The following FBRS variants were observed in gnomAD, a reference collection of about 807,000 sequenced individuals.
FBRS encodes the protein fibrosin.
A neutral mutation model predicts 86.1 loss-of-function variants in FBRS; 15 were observed. That is an observed-to-expected ratio of 0.17 (90% CI 0.12 to 0.27). FBRS has a LOEUF of 0.27. Among genes scored for constraint, FBRS ranks in the 10% least tolerant of loss-of-function variants. The pLI is 1.00. For synonymous variants in FBRS, 666 were observed against 575.8 expected, an observed-to-expected ratio of 1.16 and a Z score of -2.24; for missense variants, 1,367 against 1,301.6, an observed-to-expected ratio of 1.05 and a Z score of -0.77.
Position 30,669,284 on chromosome 16 carries a change from G to C in FBRS, c.2582G>C (p.Arg861Thr), listed in dbSNP as rs1454100073. 6.3e-7 allele frequency: 1 copy of C among 1,574,852 alleles called. No homozygotes were observed. Among genetic ancestry groups the C allele is most frequent in the East Asian group, 2.4e-5 (1 of 42,214 alleles). ...GPQGLHLLFE[R>T]PRPPPFLGPS... ...CAGGGCCTTCACCTGCTGTTTGAGA[G>C]GCCCCGGCCGCCCCCGTTTCTGGGC... Residue 861 changes from arginine (R) to threonine (T), a missense_variant, in exon 18 of 18, where the codon AGG becomes ACG. This residue lies in a region of FBRS where 659 missense variants were observed against 678.8 expected (regional missense o/e 0.97). Coordinates refer to ENST00000356166, the MANE Select transcript of FBRS (RefSeq NM_001105079.3). The surrounding 1 kb of genome is among the most constrained non-coding windows in gnomAD (Gnocchi z 5.9).
Position 30,664,712 on chromosome 16 carries a change from C to A in FBRS, c.1358-3C>A. The A allele has an allele frequency of 6.6e-7, 1 of 1,516,538 alleles. No homozygotes were observed. Among genetic ancestry groups the A allele is most frequent in the Non-Finnish European group, 8.9e-7 (1 of 1,127,306 alleles). The allele number at this position is 1,516,538 out of a possible 1,614,324, so 93.9% of individuals were successfully genotyped here. A position where few individuals can be genotyped will look rare whatever the true frequency, so the allele number is the denominator to read the frequency against. ...TAAAGCCTTCTCCCGTCCCCTCCCA[C>A]AGAGCAGGACCTGATCGGCCAGGAC... On this transcript the variant is annotated splice_polypyrimidine_tract_variant and splice_region_variant and intron_variant, in intron 7 of 17. Transcript: ENST00000356166.
rs749366962 is a variant in FBRS, at chr16:30,669,531, C to T, written c.2829C>T (p.His943=). The change falls in exon 18 of 18, where the codon CAC becomes CAT. Residue 943 remains histidine, a synonymous_variant. Transcript: ENST00000356166. This position sits in a 1 kb window ranked among gnomAD's most constrained non-coding sequence, Gnocchi z 5.9. ...CTGCTGCGGCCCCGGGAACCCCTCACCTTCTCAGCAAGACCCCACCGGGAG... is the reference window on the plus strand; with the variant it reads ...CTGCTGCGGCCCCGGGAACCCCTCATCTTCTCAGCAAGACCCCACCGGGAG... ...PPPAAAPGTP[H]LLSKTPPGAL... is the part of the protein sequence containing the mutation. The T allele has an allele frequency of 4.3e-6, 7 of 1,612,928 alleles. No individual in the cohort carries two copies. In the East Asian group the frequency reaches 1.3e-4, roughly 31 times the overall value.
Position 30,658,646 on chromosome 16 carries a change from C to G in FBRS, c.-873C>G, listed in dbSNP as rs1287139377. 2 of 152,334 alleles carry G rather than the reference C, an allele frequency of 1.3e-5. No individual in the cohort carries two copies. Among genetic ancestry groups the G allele is most frequent in the African/African-American group, 2.4e-5 (1 of 41,464 alleles). 9.4% of individuals were successfully genotyped at this position (152,334 alleles called of 1,614,324 possible). A position where few individuals can be genotyped will look rare whatever the true frequency, so the allele number is the denominator to read the frequency against. On this transcript the variant is annotated 5_prime_UTR_variant, in exon 1 of 18. Transcript: ENST00000356166. ...TATGTCGGCGGACAGGGGAGCTGTA[C>G]CCGTCACCGTTGCCTCACATCCGGG...
Position 30,659,441 on chromosome 16 carries a change from C to T in FBRS, c.-78C>T. ...CTCGTCACTGTGCAGCCGCCAGCGC[C>T]GCGCCTGCGACCCCGGGCCTGCGGA... On this transcript the variant is annotated 5_prime_UTR_variant, in exon 1 of 18. Coordinates refer to ENST00000356166, the MANE Select transcript of FBRS (RefSeq NM_001105079.3). 4.4e-6 allele frequency: 1 copy of T among 226,150 alleles called. No homozygotes were observed. 14.0% of individuals were successfully genotyped at this position (226,150 alleles called of 1,614,324 possible). A position where few individuals can be genotyped will look rare whatever the true frequency, so the allele number is the denominator to read the frequency against.
chr16:30,667,572 C>T lies in FBRS; in HGVS notation c.2024C>T (p.Thr675Met), dbSNP rs891590521. 3.9e-6 allele frequency: 6 copies of T among 1,543,212 alleles called. No individual in the cohort carries two copies. The highest frequency in any genetic ancestry group is 2.4e-5 in the East Asian group (1 of 40,860). Residue 675 changes from threonine (T) to methionine (M), a missense_variant, in exon 15 of 18, where the codon ACG becomes ATG. Coordinates refer to ENST00000356166, the MANE Select transcript of FBRS (RefSeq NM_001105079.3). ...GAVHAAANPF[T>M]AAPGAHGPFL... Reference sequence around the variant, plus strand: ...GTCCACGCTGCAGCCAACCCTTTCACGGCAGCTCCCGGGGCCCACGGACCC... The same window carrying T: ...GTCCACGCTGCAGCCAACCCTTTCATGGCAGCTCCCGGGGCCCACGGACCC...
chr16:30,666,297 C>A, intron 11 of FBRS: 2 of 626,664 alleles, frequency 3.2e-6, no homozygotes, highest in Middle Eastern at 8.6e-4. Flanking sequence ...TCCAGCAGGG[C>A]AGCTCCCTGG....
chr16:30,660,070 G>A, intron 1 of FBRS, 93 bp downstream of exon 1: 2 of 1,475,504 alleles, frequency 1.4e-6, no homozygotes, highest in Non-Finnish European at 9.0e-7. Flanking sequence ...AGGGGGGAAT[G>A]CTGGCACCCC....
intron 2 of FBRS, 165 bp downstream of exon 2, chr16:30,660,607 G>T: frequency 8.6e-7 from 1 of 1,162,912 alleles, no homozygotes; most frequent in Middle Eastern, 3.1e-4. Flanking sequence ...ACGAAGGCCT[G>T]TCTACAGTCA....
In FBRS at chr16:30,665,222, G is replaced by A. The variant is rs2151270274; in HGVS notation, c.1609-84G>A. ...GGGACAGCTCCCTGGGGGGCTTTAG[G>A]GTGGAGGCCCGTGGACTGACGGGCA... On this transcript the variant is annotated intron_variant, in intron 9 of 17. Transcript: ENST00000356166. This position sits in a 1 kb window ranked among gnomAD's most constrained non-coding sequence, Gnocchi z 4.1. The A allele has an allele frequency of 6.6e-7, 1 of 1,512,276 alleles. No individual in the cohort carries two copies. The highest frequency in any genetic ancestry group is 8.9e-7 in the Non-Finnish European group (1 of 1,121,112). The allele number at this position is 1,512,276 out of a possible 1,614,324, so 93.7% of individuals were successfully genotyped here. A position where few individuals can be genotyped will look rare whatever the true frequency, so the allele number is the denominator to read the frequency against.
rs1198140306 is a variant in FBRS, at chr16:30,659,896, G to C, written c.378G>C (p.Glu126Asp). The change falls in exon 1 of 18, where the codon GAG (glutamate) becomes GAC (aspartate). Residue 126 changes from glutamate to aspartate, a missense_variant. Coordinates refer to ENST00000356166, the MANE Select transcript of FBRS (RefSeq NM_001105079.3). ...CAGACGACGGCGAAGCCGAGGAGGA[G>C]CCTGAGGAGGAGGAAGAGGAGGAGG... ...GGADDGEAEE[E>D]PEEEEEEEED... The C allele has an allele frequency of 1.9e-6, 3 of 1,550,644 alleles. No individual in the cohort carries two copies. The Admixed American group carries it at 5.9e-5, about 30-fold the overall frequency.
chr16:30,661,323 T>C lies in FBRS; in HGVS notation c.695T>C (p.Leu232Pro). The part of the protein sequence containing the change: ...AGYICDAESD[L>P]DERVSDDDLD... The stretch of plus-strand genomic sequence containing the variant: ...CCCCAGTGTGACGCGGAAAGTGATC[T>C]GGACGAGAGGGTGAGTGGGGCTAGA... The change falls in exon 4 of 18, where the codon CTG (leucine) becomes CCG (proline). Residue 232 changes from leucine to proline, a missense_variant. Transcript: ENST00000356166. 6.4e-7 allele frequency: 1 copy of C among 1,550,658 alleles called. No individual in the cohort carries two copies. The highest frequency in any genetic ancestry group is 8.7e-7 in the Non-Finnish European group (1 of 1,147,010).
At chr16:30,667,058 GC>G in intron 13 of FBRS, 68 bp downstream of exon 13, 1 of 1,450,204 alleles carries the variant, frequency 6.9e-7, no homozygotes, top group East Asian at 2.4e-5. Context: ...CTGGGCATTG[GC>G]CCTCAACAGA....
chr16:30,664,089 G>A, intron 6 of FBRS, 126 bp from the exon 7 acceptor site: 1 of 1,160,742 alleles, frequency 8.6e-7, no homozygotes, highest in Non-Finnish European at 1.1e-6. Context: ...GGGCGGTCCT[G>A]GGGCTGGGTT....
chr16:30,661,233 G>A lies in FBRS; in HGVS notation c.675+18G>A, dbSNP rs1210746774. On this transcript the variant is annotated intron_variant, in intron 3 of 17. Coordinates refer to ENST00000356166, the MANE Select transcript of FBRS (RefSeq NM_001105079.3). The stretch of plus-strand genomic sequence containing the variant: ...GATACATAGTAAGTGCTATCCACCT[G>A]TCCTGGCCCCTCCCTGCTCCACCCT... The A allele has an allele frequency of 2.6e-6, 4 of 1,550,846 alleles. No individual in the cohort carries two copies. Among genetic ancestry groups the A allele is most frequent in the African/African-American group, 1.4e-5 (1 of 73,154 alleles).
At chr16:30,663,913 G>A (rs1224247896) in intron 6 of FBRS, among the ~76,000 whole-genome samples, 3 of 152,144 alleles carry the variant, frequency 2.0e-5, no homozygotes, top group African/African-American at 7.2e-5. Context: ...CTAATTAAGC[G>A]TCAACATGAA....
In FBRS at chr16:30,665,748, G is replaced by A. The variant is rs1426350698; in HGVS notation, c.1773+42G>A. 1.3e-6 allele frequency: 2 copies of A among 1,542,608 alleles called. No homozygotes were observed. Among genetic ancestry groups the A allele is most frequent in the Non-Finnish European group, 1.8e-6 (2 of 1,137,526 alleles). ...AGGTCCTGGGGGAGCTGGAAGGTGT[G>A]TTGCGGGGAGAACAGAACTGACTTG... is the stretch of plus-strand genomic sequence containing the variant. On this transcript the variant is annotated intron_variant, in intron 11 of 17. Transcript: ENST00000356166. The surrounding 1 kb of genome is among the most constrained non-coding windows in gnomAD (Gnocchi z 4.1).
At chr16:30,663,985 G>A (rs953808572) in intron 6 of FBRS, among the ~76,000 whole-genome samples, 1 of 152,302 alleles carries the variant, frequency 6.6e-6, no homozygotes, top group Admixed American at 6.5e-5. Context: ...AGATGGCAGA[G>A]GCAGCTGCGT....
At chr16:30,667,520 A>G in intron 14 of FBRS, 22 bp from the exon 15 acceptor site, 1 of 1,523,024 alleles carries the variant, frequency 6.6e-7, no homozygotes, top group Non-Finnish European at 8.8e-7. Flanking sequence ...CCTCATCAGA[A>G]TCTCCCACCT....
chr16:30,660,043 C>T (rs1034848346), intron 1 of FBRS, 66 bp downstream of exon 1: 3 of 1,514,292 alleles, frequency 2.0e-6, no homozygotes, highest in Non-Finnish European at 2.7e-6. Flanking sequence ...GGGCAGTGCC[C>T]CTAGTGGGTG....
Sources: allele counts gnomAD v4.1 joint callset (sites outside exome capture counted in the v4.1 genomes callset), GRCh38; gene constraint gnomAD v4.1.1; regional missense constraint gnomAD v4.1.1; non-coding constraint Gnocchi (gnomAD v3.1); transcripts MANE v1.5; gene names NCBI Gene and HGNC (gene_info 2026-07-23, HGNC 2026-07-21).